Variants in CTNNA3 observed in about 807,000 individuals in gnomAD.
CTNNA3 encodes catenin alpha-3.
Under a neutral mutation model 95.7 loss-of-function variants are expected in CTNNA3, and 76 were observed. That is an observed-to-expected ratio of 0.79 (90% CI 0.66 to 0.96). The LOEUF (loss-of-function observed/expected upper bound fraction) is 0.96. Among genes scored for constraint, CTNNA3 ranks in the 40% least tolerant of loss-of-function variants. The pLI is 0.00. For missense variants in CTNNA3, 1,191 were observed against 1,089.8 expected (o/e 1.09, Z -1.31); for synonymous variants, 431 against 374.4 (o/e 1.15, Z -1.74).
chr10:67,355,067 A>G (rs1235088481), intron 5 of CTNNA3, among the ~76,000 whole-genome samples: 1 of 152,034 alleles, frequency 6.6e-6, no homozygotes, highest in African/African-American at 2.4e-5. Context: ...ACATTGATTT[A>G]TTTATTTGTT....
chr10:67,626,241 G>C (rs1361752758), intron 2 of CTNNA3, among the ~76,000 whole-genome samples: 1 of 150,180 alleles, frequency 6.7e-6, no homozygotes, highest in Non-Finnish European at 1.5e-5. Context: ...TGTGACCCTT[G>C]ACTTTTTGGG....
At chr10:67,440,399 C>G (rs1846460227) in intron 5 of CTNNA3, among the ~76,000 whole-genome samples, 1 of 152,130 alleles carries the variant, frequency 6.6e-6, no homozygotes, top group African/African-American at 2.4e-5. Context: ...TGAACCTACT[C>G]AAGACCCAGG....
At position 66,405,526 on chromosome 10, in the gene CTNNA3, C is replaced by T. The variant is rs138508042; in HGVS notation, c.1532-26174G>A. Among the ~76,000 whole-genome samples the T allele has an allele frequency of 3.0e-4, 45 of 152,170 alleles. No individual in the cohort carries two copies. In the East Asian group the frequency reaches 8.7e-3, roughly 29 times the overall value. ...GAGGTACACTGACCCCCATCATTGC[C>T]ATTTGCATTCATTTATATCCAGTGT... On this transcript the variant is annotated intron_variant, in intron 11 of 17. Coordinates refer to ENST00000433211, the MANE Select transcript of CTNNA3 (RefSeq NM_013266.4).
intron 7 of CTNNA3, among the ~76,000 whole-genome samples, chr10:67,040,497 T>C (rs1854325742): frequency 6.6e-6 from 1 of 152,138 alleles, no homozygotes; most frequent in African/African-American, 2.4e-5. Context: ...GCCAGCACAC[T>C]GCTTCTACCC....
intron 9 of CTNNA3, among the ~76,000 whole-genome samples, chr10:66,696,352 A>G (rs1232143250): frequency 6.6e-6 from 1 of 152,218 alleles, no homozygotes; most frequent in African/African-American, 2.4e-5. Context: ...GAGGAGATAC[A>G]AAACTGAAAA....
intron 7 of CTNNA3, among the ~76,000 whole-genome samples, chr10:66,779,351 T>C (rs1840439058): frequency 6.6e-6 from 1 of 151,788 alleles, no homozygotes; most frequent in Non-Finnish European, 1.5e-5. Context: ...CTTTCTTTTC[T>C]TTCTTTTCTT....
chr10:66,207,471 A>C (rs1279951752), intron 13 of CTNNA3, among the ~76,000 whole-genome samples: 1 of 152,010 alleles, frequency 6.6e-6, no homozygotes, highest in Non-Finnish European at 1.5e-5. Context: ...TGTTTGAGAT[A>C]TCCGCAATAA....
chr10:66,480,748 G>T (rs1037700213), intron 11 of CTNNA3, among the ~76,000 whole-genome samples: 2 of 152,052 alleles, frequency 1.3e-5, no homozygotes, highest in Non-Finnish European at 2.9e-5. Flanking sequence ...GGGACTACAG[G>T]TGCGTGCCAC....
At chr10:67,690,923 G>A (rs929426994) in intron 1 of CTNNA3, among the ~76,000 whole-genome samples, 76 of 152,092 alleles carry the variant, frequency 5.0e-4, no homozygotes, top group African/African-American at 1.3e-3. Context: ...CTCTTTCCAC[G>A]GTCTCCCTCT....
chr10:67,395,382 A>G (rs1017016574), intron 5 of CTNNA3, among the ~76,000 whole-genome samples: 4 of 152,174 alleles, frequency 2.6e-5, no homozygotes, highest in African/African-American at 9.7e-5. Flanking sequence ...TCCTCCACAT[A>G]ATTTAAAGCT....
At chr10:67,411,506 G>T (rs1448322983) in intron 5 of CTNNA3, among the ~76,000 whole-genome samples, 1 of 151,976 alleles carries the variant, frequency 6.6e-6, no homozygotes, top group Non-Finnish European at 1.5e-5. Context: ...ATGAGGATCT[G>T]TACCCTGTTA....
intron 16 of CTNNA3, among the ~76,000 whole-genome samples, chr10:65,983,493 A>G (rs1324655114): frequency 6.6e-6 from 1 of 151,520 alleles, no homozygotes; most frequent in African/African-American, 2.4e-5. Flanking sequence ...AGAAAAAAAT[A>G]TGTACTGAAA....
At chr10:67,519,858 G>T (rs1253574772) in intron 5 of CTNNA3, among the ~76,000 whole-genome samples, 1 of 152,142 alleles carries the variant, frequency 6.6e-6, no homozygotes, top group Non-Finnish European at 1.5e-5. Context: ...TTTCTGGCGT[G>T]TGCTTCATCA....
chr10:66,304,569 A>G (rs890537707), intron 12 of CTNNA3, among the ~76,000 whole-genome samples: 2 of 152,316 alleles, frequency 1.3e-5, no homozygotes, highest in Admixed American at 1.3e-4. Flanking sequence ...ATTTCGATAC[A>G]TTTATATAAT....
intron 13 of CTNNA3, among the ~76,000 whole-genome samples, chr10:66,106,400 G>C (rs1370819813): frequency 6.6e-6 from 1 of 150,858 alleles, no homozygotes; most frequent in Non-Finnish European, 1.5e-5. Context: ...TTCATTCTGT[G>C]AAAGATTAAC....
chr10:66,493,284 T>A (rs755952749), intron 11 of CTNNA3, among the ~76,000 whole-genome samples: 2 of 152,190 alleles, frequency 1.3e-5, no homozygotes, highest in Non-Finnish European at 2.9e-5. Context: ...AGCTTTATAA[T>A]GTCAGTTGCA....
At chr10:67,306,239 G>C (rs933706289) in intron 5 of CTNNA3, among the ~76,000 whole-genome samples, 4 of 152,160 alleles carry the variant, frequency 2.6e-5, no homozygotes, top group African/African-American at 9.6e-5. Context: ...ACCTTCATCA[G>C]AACGAGCTAA....
intron 10 of CTNNA3, among the ~76,000 whole-genome samples, chr10:66,551,896 CTTTTTTTTT>C (rs141885331): frequency 8.8e-6 from 1 of 113,964 alleles, no homozygotes; most frequent in Non-Finnish European, 1.8e-5. Flanking sequence ...TTTTCTTTTC[CTTTTTTTTT>C]TTTTTTTTTT....
chr10:66,926,534 C>T, intron 7 of CTNNA3: 1 of 1,611,698 alleles, frequency 6.2e-7, no homozygotes, highest in Non-Finnish European at 8.5e-7. Context: ...TGCAACTGGC[C>T]CCTAAGCCAA....
Sources: allele counts gnomAD v4.1 joint callset (sites outside exome capture counted in the v4.1 genomes callset), GRCh38; gene constraint gnomAD v4.1.1; transcripts MANE v1.5; gene names NCBI Gene and HGNC (gene_info 2026-07-23, HGNC 2026-07-21).